Variants in PDGFRL observed in about 807,000 individuals in gnomAD.
PDGFRL encodes the protein platelet-derived growth factor receptor-like protein.
PDGFRL carries 46 observed loss-of-function variants against 37.2 expected under a neutral mutation model. The observed-to-expected ratio is 1.24, with a 90% confidence interval of 0.98 to 1.58. PDGFRL has a LOEUF of 1.58. Among genes scored for constraint, PDGFRL ranks in the 40% most tolerant of loss-of-function variants. The pLI, the probability that PDGFRL is intolerant of heterozygous loss-of-function variation, is 0.00. For missense variants in PDGFRL, 692 were observed against 467.6 expected (o/e 1.48, Z -4.43); for synonymous variants, 251 against 184.3 (o/e 1.36, Z -2.93).
chr8:17,628,100 T>C (rs1310508400), intron 3 of PDGFRL, among the ~76,000 whole-genome samples: 2 of 150,298 alleles, frequency 1.3e-5, no homozygotes, highest in Non-Finnish European at 3.0e-5. Context: ...TTCACGCCAT[T>C]TTCCTGCCTC....
At chr8:17,586,829 C>T (rs545878887) in intron 1 of PDGFRL, among the ~76,000 whole-genome samples, 1 of 152,246 alleles carries the variant, frequency 6.6e-6, no homozygotes, top group African/African-American at 2.4e-5. Context: ...AAGTAGCTTC[C>T]CAAGGTCACA....
rs1297266947 is a variant in PDGFRL at position 17,589,644 on chromosome 8, C to A, written c.232C>A (p.Gln78Lys). ...MMQVLDKGRFQKPAATLSLLA... is the reference protein window; with the variant it reads ...MMQVLDKGRFKKPAATLSLLA... Reference sequence around the variant, plus strand: ...GCAAGTGCTGGATAAAGGTCGCTTCCAGAAACCCGCCGCTACCCTGAGTCT... The same window carrying A: ...GCAAGTGCTGGATAAAGGTCGCTTCAAGAAACCCGCCGCTACCCTGAGTCT... The change falls in exon 2 of 6, where the codon CAG becomes AAG. Residue 78 changes from glutamine (Q) to lysine (K), a missense_variant. Physicochemically the swap from Gln to Lys is moderately conservative, Grantham distance 53. Coordinates refer to ENST00000251630, the MANE Select transcript of PDGFRL (RefSeq NM_001372073.1). The A allele has an allele frequency of 6.2e-7, 1 of 1,613,894 alleles. No individual in the cohort carries two copies. The highest frequency in any genetic ancestry group is 2.2e-5 in the East Asian group (1 of 44,858).
Position 17,605,826 on chromosome 8 carries a change from G to T in PDGFRL, c.354-15225G>T, listed in dbSNP as rs561315608. ...TTTTTTCAGTCAAAAACTGGGAGTT[G>T]GGAGGAGTGCGTGGGGCACAGGAGA... On this transcript the variant is annotated intron_variant, in intron 2 of 5. Coordinates refer to ENST00000251630, the MANE Select transcript of PDGFRL (RefSeq NM_001372073.1). 3.3e-5 allele frequency among the ~76,000 whole-genome samples: 5 copies of T among 152,326 alleles called. No homozygotes were observed. The South Asian group carries it at 1.0e-3, about 32-fold the overall frequency.
intron 4 of PDGFRL, among the ~76,000 whole-genome samples, chr8:17,633,853 G>T (rs1804910425): frequency 6.6e-6 from 1 of 152,110 alleles, no homozygotes. Context: ...GCTGTCCTGG[G>T]AGTCCTGGTG....
intron 2 of PDGFRL, among the ~76,000 whole-genome samples, chr8:17,609,008 C>A (rs539369422): frequency 2.0e-5 from 3 of 152,078 alleles, no homozygotes; most frequent in Non-Finnish European, 2.9e-5. Context: ...CACTTGAGCC[C>A]GGGAGTTTGA....
At chr8:17,579,151 C>G (rs572531916) in intron 1 of PDGFRL, among the ~76,000 whole-genome samples, 1 of 152,056 alleles carries the variant, frequency 6.6e-6, no homozygotes, top group South Asian at 2.1e-4. Context: ...GAGCCGAGAT[C>G]GCACCACTGC....
chr8:17,637,425 GA>G (rs1804994858), intron 5 of PDGFRL, among the ~76,000 whole-genome samples: 1 of 152,142 alleles, frequency 6.6e-6, no homozygotes, highest in Non-Finnish European at 1.5e-5. Context: ...AAACCCATTT[GA>G]TCATGGTGGA....
chr8:17,639,776 G>A (rs1452344568), intron 5 of PDGFRL, among the ~76,000 whole-genome samples: 1 of 152,144 alleles, frequency 6.6e-6, no homozygotes, highest in African/African-American at 2.4e-5. Flanking sequence ...TTTTTGCAAT[G>A]AATTTCTCAG....
At chr8:17,592,761 C>G (rs910486060) in intron 2 of PDGFRL, among the ~76,000 whole-genome samples, 10 of 152,196 alleles carry the variant, frequency 6.6e-5, no homozygotes, top group Non-Finnish European at 1.3e-4. Flanking sequence ...GTTTCCTCTT[C>G]CCAGCTCTCT....
intron 2 of PDGFRL, among the ~76,000 whole-genome samples, chr8:17,597,243 C>G (rs562125906): frequency 2.0e-5 from 3 of 152,118 alleles, no homozygotes; most frequent in Non-Finnish European, 4.4e-5. Flanking sequence ...CTGGTCTACA[C>G]CTCTTGGCCT....
chr8:17,592,607 G>T (rs1040098201), intron 2 of PDGFRL, among the ~76,000 whole-genome samples: 1 of 152,006 alleles, frequency 6.6e-6, no homozygotes, highest in South Asian at 2.1e-4. Context: ...TCTCAAAAGC[G>T]CCAGGCTCCT....
At chr8:17,625,338 G>A (rs188084062) in intron 3 of PDGFRL, among the ~76,000 whole-genome samples, 52 of 152,172 alleles carry the variant, frequency 3.4e-4, no homozygotes, top group African/African-American at 1.2e-3. Flanking sequence ...TTTTAGCAGA[G>A]ATGGGGTTTC....
intron 1 of PDGFRL, 32 bp from the exon 2 acceptor site, chr8:17,589,436 A>G (rs1346933762): frequency 1.3e-6 from 2 of 1,541,780 alleles, no homozygotes; most frequent in Non-Finnish European, 1.8e-6. Flanking sequence ...TGTCATTACT[A>G]CAGCGCATTT....
intron 2 of PDGFRL, among the ~76,000 whole-genome samples, chr8:17,597,332 T>G (rs1804075069): frequency 6.6e-6 from 1 of 152,230 alleles, no homozygotes; most frequent in Admixed American, 6.5e-5. Context: ...AGCCTTGTAG[T>G]TATAACCAAT....
At position 17,577,249 on chromosome 8, in the gene PDGFRL, C is replaced by T. The variant is rs374063088; in HGVS notation, c.-4C>T. ...CCTGCGCTCCGAGGTCCGAGGTTCC[C>T]GAGATGAAGGTCTGGCTGCTGCTTG... On this transcript the variant is annotated 5_prime_UTR_variant, in exon 1 of 6. Coordinates refer to ENST00000251630, the MANE Select transcript of PDGFRL (RefSeq NM_001372073.1). 7.8e-5 allele frequency: 125 copies of T among 1,612,304 alleles called. No homozygotes were observed. The highest frequency in any genetic ancestry group is 1.0e-4 in the Non-Finnish European group (120 of 1,179,402).
At chr8:17,579,208 A>G (rs1803654366) in intron 1 of PDGFRL, among the ~76,000 whole-genome samples, 1 of 152,198 alleles carries the variant, frequency 6.6e-6, no homozygotes, top group African/African-American at 2.4e-5. Flanking sequence ...GAAAATAAAG[A>G]TAAAAATAAA....
intron 4 of PDGFRL, among the ~76,000 whole-genome samples, chr8:17,631,375 G>C (rs375076601): frequency 1.7e-4 from 26 of 152,212 alleles, no homozygotes; most frequent in African/African-American, 4.8e-4. Context: ...CACCCTGTCG[G>C]GGGGATCAGT....
At chr8:17,597,545 T>C (rs1056191832) in intron 2 of PDGFRL, among the ~76,000 whole-genome samples, 1 of 44,472 alleles carries the variant, frequency 2.2e-5, no homozygotes, top group Non-Finnish European at 5.3e-5. Flanking sequence ...AAAAATGCAA[T>C]ATACATTTTT....
At chr8:17,641,479 T>A (rs772891895) in intron 5 of PDGFRL, among the ~76,000 whole-genome samples, 1 of 152,232 alleles carries the variant, frequency 6.6e-6, no homozygotes. Flanking sequence ...TGCTCCTTTC[T>A]ATTCCTGTGT....
Sources: allele counts gnomAD v4.1 joint callset (sites outside exome capture counted in the v4.1 genomes callset), GRCh38; gene constraint gnomAD v4.1.1; transcripts MANE v1.5; gene names NCBI Gene and HGNC (gene_info 2026-07-23, HGNC 2026-07-21).